The following CSMD3 variants were observed in gnomAD, a reference collection of about 807,000 sequenced individuals.
The protein encoded by CSMD3 is CUB and Sushi multiple domains 3, also known as CUB and sushi domain-containing protein 3.
In CSMD3, 177 loss-of-function variants were observed where a neutral mutation model predicts 435.2. That is an observed-to-expected ratio of 0.41 (90% CI 0.36 to 0.46). The LOEUF is 0.46. Among genes scored for constraint, CSMD3 ranks in the 20% least tolerant of loss-of-function variants. The pLI is 0.34. For missense variants in CSMD3, 4,265 were observed against 4,504.6 expected (o/e 0.95, Z 1.52); for synonymous variants, 1,656 against 1,520.5 (o/e 1.09, Z -2.07).
In CSMD3 at chr8:113,106,558, T is replaced by C. The variant is rs113364038; in HGVS notation, c.710-7595A>G. ...GCAAGCATGGAAAACTATGGAAAGA[T>C]TAATGGTCAAAGGATTTACAAATTT... is the stretch of plus-strand genomic sequence containing the variant. On this transcript the variant is annotated intron_variant, in intron 4 of 70. Coordinates refer to ENST00000297405, the MANE Select transcript of CSMD3 (RefSeq NM_198123.2). Among the ~76,000 whole-genome samples the C allele has an allele frequency of 8.3e-3, 1,259 of 152,246 alleles. 30 individuals carry two copies. Among genetic ancestry groups the C allele is most frequent in the African/African-American group, 0.029 (1,191 of 41,550 alleles).
Position 113,382,259 on chromosome 8 carries a change from C to G in CSMD3, c.178+54418G>C, listed in dbSNP as rs760436330. On this transcript the variant is annotated intron_variant, in intron 1 of 70. Transcript: ENST00000297405. ...AATTAAGACAATGTTAATTTCACAG[C>G]ATCCTCATTAGCATTAGTTGTTATG... 5.0e-4 allele frequency among the ~76,000 whole-genome samples: 76 copies of G among 152,230 alleles called. 1 individual carries two copies. Among genetic ancestry groups the G allele is most frequent in the Admixed American group, 3.9e-4 (6 of 15,288 alleles).
intron 32 of CSMD3, among the ~76,000 whole-genome samples, chr8:112,455,803 C>T (rs1816778923): frequency 6.6e-6 from 1 of 151,398 alleles, no homozygotes; most frequent in African/African-American, 2.4e-5. Context: ...AGCATGTTGC[C>T]TCAGTGGGAA....
chr8:112,457,837 A>G (rs1395825166), intron 32 of CSMD3, among the ~76,000 whole-genome samples: 1 of 152,062 alleles, frequency 6.6e-6, no homozygotes, highest in Non-Finnish European at 1.5e-5. Context: ...GGACTGTGTC[A>G]AGATTGATGC....
At chr8:112,361,572 CATATATATATATATAT>C (rs4030099) in intron 38 of CSMD3, among the ~76,000 whole-genome samples, 21,482 of 107,296 alleles carry the variant, frequency 0.2, 2,890 homozygotes, top group Middle Eastern at 0.41. Flanking sequence ...TATACACATA[CATATATATATATATAT>C]ATATATATAT....
chr8:113,196,649 G>A (rs1002022887), intron 3 of CSMD3, among the ~76,000 whole-genome samples: 8 of 151,144 alleles, frequency 5.3e-5, no homozygotes, highest in Non-Finnish European at 1.2e-4. Context: ...GACTAGAGAC[G>A]ACAGAAGGAG....
chr8:112,382,140 T>C (rs1166018428), intron 37 of CSMD3, among the ~76,000 whole-genome samples: 2 of 151,610 alleles, frequency 1.3e-5, no homozygotes, highest in East Asian at 2.0e-4. Flanking sequence ...TAAAAATTAA[T>C]TGGGGTTGTG....
At position 112,319,952 on chromosome 8, in the gene CSMD3, G is replaced by T. The variant is rs1438614666; in HGVS notation, c.7195C>A (p.Pro2399Thr). 1 of 1,612,822 alleles carries T rather than the reference G, an allele frequency of 6.2e-7. No homozygotes were observed. Among genetic ancestry groups the T allele is most frequent in the East Asian group, 2.2e-5 (1 of 44,820 alleles). The change falls in exon 46 of 71, where the codon CCA becomes ACA. Residue 2399 changes from proline to threonine, a missense_variant. Coordinates refer to ENST00000297405, the MANE Select transcript of CSMD3 (RefSeq NM_198123.2). ...AYQLRVCQPP[P>T]PVPNAEILTE... ...AAAATTTCAGCATTGGGCACAGGTG[G>T]TGGAGGTTGGCACACCCTTAGTTGA... is the stretch of plus-strand genomic sequence containing the variant.
rs73335550 is a variant in CSMD3 at position 113,251,966 on chromosome 8, T to C, written c.514+26626A>G. Among the ~76,000 whole-genome samples, 534 of 152,248 alleles carry C rather than the reference T, an allele frequency of 3.5e-3. 2 individuals are homozygous for C. The highest frequency in any genetic ancestry group is 0.012 in the African/African-American group (498 of 41,576). Reference sequence around the variant, plus strand: ...AGCAAATACTTCTTCAGATAAAATTTGATGTCTAACCAGCACCTATTATGC... The same window carrying C: ...AGCAAATACTTCTTCAGATAAAATTCGATGTCTAACCAGCACCTATTATGC... On this transcript the variant is annotated intron_variant, in intron 3 of 70. Coordinates refer to ENST00000297405, the MANE Select transcript of CSMD3 (RefSeq NM_198123.2).
chr8:112,265,367 G>A, intron 60 of CSMD3, 44 bp downstream of exon 60: 1 of 1,427,650 alleles, frequency 7.0e-7, no homozygotes. Flanking sequence ...AAGAAAATAT[G>A]TACTGGTTAC....
At chr8:113,182,802 A>C (rs1457011388) in intron 3 of CSMD3, among the ~76,000 whole-genome samples, 2 of 152,024 alleles carry the variant, frequency 1.3e-5, no homozygotes, top group Non-Finnish European at 2.9e-5. Flanking sequence ...GTTGAATGAG[A>C]AGATGTTAAG....
At chr8:112,946,789 A>G (rs543129361) in intron 9 of CSMD3, among the ~76,000 whole-genome samples, 57 of 151,708 alleles carry the variant, frequency 3.8e-4, no homozygotes, top group Non-Finnish European at 7.8e-4. Flanking sequence ...AAAGTTATGT[A>G]AACATTTTAG....
In CSMD3 at chr8:113,195,791, TTATATATATA is replaced by T. The variant is rs749886578; in HGVS notation, c.515-21885_515-21876del. ...ATATATAATATTCATATCCTATATT[TTATATATATA>T]TATATATATATATACACACACACAC... On this transcript the variant is annotated intron_variant, in intron 3 of 70. Coordinates refer to ENST00000297405, the MANE Select transcript of CSMD3 (RefSeq NM_198123.2). 9.5e-5 allele frequency among the ~76,000 whole-genome samples: 12 copies of T among 126,044 alleles called. No individual in the cohort carries two copies. In the South Asian group the frequency reaches 2.5e-3, roughly 26 times the overall value. 82.7% of individuals were successfully genotyped at this position (126,044 alleles called of 152,430 possible). A position where few individuals can be genotyped will look rare whatever the true frequency, so the allele number is the denominator to read the frequency against.
At chr8:113,261,465 A>T (rs2093426787) in intron 3 of CSMD3, among the ~76,000 whole-genome samples, 1 of 152,088 alleles carries the variant, frequency 6.6e-6, no homozygotes, top group Non-Finnish European at 1.5e-5. Context: ...GTCTGTCTCT[A>T]GCATTGACCT....
intron 4 of CSMD3, among the ~76,000 whole-genome samples, chr8:113,153,521 T>A (rs1483966729): frequency 6.6e-6 from 1 of 152,148 alleles, no homozygotes; most frequent in Non-Finnish European, 1.5e-5. Flanking sequence ...ATGATAAAAA[T>A]ATGACACTTA....
intron 31 of CSMD3, among the ~76,000 whole-genome samples, chr8:112,477,915 G>A (rs1819227185): frequency 6.6e-6 from 1 of 152,120 alleles, no homozygotes; most frequent in Admixed American, 6.6e-5. Context: ...TTCCCATGTG[G>A]TGTAAAAAGA....
chr8:112,591,189 AT>A (rs909527899), intron 22 of CSMD3, among the ~76,000 whole-genome samples: 22 of 152,056 alleles, frequency 1.4e-4, no homozygotes, highest in Non-Finnish European at 5.9e-5. Flanking sequence ...CATATAAAAT[AT>A]TTTTTTATTT....
intron 2 of CSMD3, among the ~76,000 whole-genome samples, chr8:113,288,390 C>T (rs1189842834): frequency 6.6e-6 from 1 of 151,858 alleles, no homozygotes; most frequent in East Asian, 1.9e-4. Flanking sequence ...AGAGTTTGAT[C>T]TTCAGGATCA....
intron 58 of CSMD3, among the ~76,000 whole-genome samples, chr8:112,281,722 T>C (rs1025284492): frequency 2.0e-5 from 3 of 152,132 alleles, no homozygotes; most frequent in Non-Finnish European, 4.4e-5. Flanking sequence ...CATGTAACAA[T>C]GAGTGATGAG....
chr8:112,489,042 A>AAAAAT (rs1820422002), intron 31 of CSMD3, among the ~76,000 whole-genome samples: 1 of 152,194 alleles, frequency 6.6e-6, no homozygotes, highest in Non-Finnish European at 1.5e-5. Flanking sequence ...ATTATCTTAA[A>AAAAAT]AAAATAAAAA....
Sources: gnomAD v4.1 joint callset for allele counts (sites outside exome capture counted in the v4.1 genomes callset) on GRCh38, gnomAD v4.1.1 for gene constraint, MANE v1.5 for transcripts, NCBI Gene and HGNC (gene_info 2026-07-23, HGNC 2026-07-21) for gene names.